TMEFF2: variants seen among roughly 807,000 people sequenced by gnomAD.
TMEFF2 encodes the protein tomoregulin-2.
Under a neutral mutation model 53.8 loss-of-function variants are expected in TMEFF2, and 28 were observed. The ratio of observed to expected loss-of-function variants is 0.52; its 90% CI spans 0.39 to 0.71. TMEFF2 has a LOEUF of 0.71. Among genes scored for constraint, TMEFF2 ranks in the 30% least tolerant of loss-of-function variants. The probability of loss-of-function intolerance (pLI) is 0.00; values close to 1 mark genes in which losing one functional copy is unlikely to be tolerated. For missense variants in TMEFF2, 353 were observed against 455.2 expected (o/e 0.78, Z 2.04); for synonymous variants, 162 against 166.3 (o/e 0.97, Z 0.20).
At chr2:192,061,401 AT>A (rs1233190220) in intron 4 of TMEFF2, among the ~76,000 whole-genome samples, 6 of 152,344 alleles carry the variant, frequency 3.9e-5, no homozygotes, top group East Asian at 1.9e-4. Flanking sequence ...TAATAAAAAA[AT>A]AAAAATAGAG....
chr2:191,950,228 C>A lies in TMEFF2; in HGVS notation c.*83G>T. On this transcript the variant is annotated 3_prime_UTR_variant, in exon 10 of 10. Coordinates refer to ENST00000272771, the MANE Select transcript of TMEFF2 (RefSeq NM_016192.4). Reference sequence around the variant, plus strand: ...CAAATGCAAGGCAACATGTGTAGATCTCTTGTCTTATTCTTTTGTCTATAA... The same window carrying A: ...CAAATGCAAGGCAACATGTGTAGATATCTTGTCTTATTCTTTTGTCTATAA... 1 of 1,583,806 alleles carries A rather than the reference C, an allele frequency of 6.3e-7. No individual in the cohort carries two copies. The highest frequency in any genetic ancestry group is 1.2e-5 in the South Asian group (1 of 85,154).
At chr2:191,978,549 C>G (rs1381087841) in intron 7 of TMEFF2, among the ~76,000 whole-genome samples, 2 of 151,736 alleles carry the variant, frequency 1.3e-5, no homozygotes, top group Non-Finnish European at 2.9e-5. Context: ...TTTTCTTCCC[C>G]ATTGATACCT....
chr2:191,956,133 A>G (rs1049580542), intron 8 of TMEFF2, 122 bp downstream of exon 8: 3 of 1,054,556 alleles, frequency 2.8e-6, no homozygotes, highest in Non-Finnish European at 4.0e-6. Context: ...AGGAGCAGAG[A>G]AAAGTTTTGT....
At chr2:192,092,287 G>A (rs915064986) in intron 4 of TMEFF2, among the ~76,000 whole-genome samples, 6 of 152,048 alleles carry the variant, frequency 3.9e-5, no homozygotes, top group African/African-American at 1.4e-4. Context: ...ATTTTCCTAT[G>A]TGAAGGGTTT....
At chr2:192,092,760 GA>G (rs1399243141) in intron 4 of TMEFF2, among the ~76,000 whole-genome samples, 1 of 152,098 alleles carries the variant, frequency 6.6e-6, no homozygotes, top group Non-Finnish European at 1.5e-5. Flanking sequence ...GTGATGTGAA[GA>G]AAGGAGCAGA....
chr2:191,999,211 A>T lies in TMEFF2; in HGVS notation c.537-3T>A. ...AACAGTCAATATTACACACACACCT[A>T]AAAAAAGAGAGAAATAAAAACATGT... On this transcript the variant is annotated splice_polypyrimidine_tract_variant and splice_region_variant and intron_variant, in intron 5 of 9. Transcript: ENST00000272771. 6.4e-7 allele frequency: 1 copy of T among 1,570,962 alleles called. No individual in the cohort carries two copies. Among genetic ancestry groups the T allele is most frequent in the South Asian group, 1.2e-5 (1 of 84,724 alleles).
intron 9 of TMEFF2, among the ~76,000 whole-genome samples, chr2:191,952,334 GT>G (rs1002190322): frequency 6.6e-6 from 1 of 152,136 alleles, no homozygotes; most frequent in African/African-American, 2.4e-5. Flanking sequence ...AGTATTTACA[GT>G]TTTGCATTTG....
intron 7 of TMEFF2, among the ~76,000 whole-genome samples, chr2:191,973,629 C>A (rs1037632613): frequency 6.6e-6 from 1 of 152,024 alleles, no homozygotes; most frequent in African/African-American, 2.4e-5. Context: ...TCCTAAAAAT[C>A]TACTTTAAAA....
chr2:192,132,191 C>G (rs1474756841), intron 4 of TMEFF2, among the ~76,000 whole-genome samples: 1 of 152,172 alleles, frequency 6.6e-6, no homozygotes, highest in Non-Finnish European at 1.5e-5. Flanking sequence ...CTCCTCACAC[C>G]TGGTCTGGCT....
intron 4 of TMEFF2, among the ~76,000 whole-genome samples, chr2:192,132,211 G>A (rs35632819): frequency 0.32 from 47,889 of 151,780 alleles, 9,735 homozygotes; most frequent in Non-Finnish European, 0.47. Flanking sequence ...TTACAGTTTC[G>A]TTCTGTGACT....
intron 4 of TMEFF2, among the ~76,000 whole-genome samples, chr2:192,115,990 A>G (rs1050080070): frequency 1.5e-4 from 23 of 151,974 alleles, no homozygotes; most frequent in African/African-American, 5.1e-4. Context: ...CTGGGTATAT[A>G]CCAGAGGAAA....
chr2:192,053,273 G>A (rs1012728322), intron 5 of TMEFF2, among the ~76,000 whole-genome samples: 1 of 151,886 alleles, frequency 6.6e-6, no homozygotes, highest in African/African-American at 2.4e-5. Flanking sequence ...CATCTCCAGT[G>A]TGACTTTCTT....
At chr2:192,122,404 T>C (rs1689577574) in intron 4 of TMEFF2, among the ~76,000 whole-genome samples, 1 of 152,216 alleles carries the variant, frequency 6.6e-6, no homozygotes, top group Non-Finnish European at 1.5e-5. Context: ...TCTGCCAATG[T>C]AGAAGCTTTA....
intron 4 of TMEFF2, among the ~76,000 whole-genome samples, chr2:192,076,122 A>G (rs566220165): frequency 1.2e-3 from 190 of 152,292 alleles, no homozygotes; most frequent in Non-Finnish European, 2.0e-3. Flanking sequence ...TTTATTACAT[A>G]AGAAAAAGAA....
At chr2:192,075,296 T>TATATATAAATATATATATATAA (rs1357041628) in intron 4 of TMEFF2, among the ~76,000 whole-genome samples, 1 of 32,966 alleles carries the variant, frequency 3.0e-5, no homozygotes, top group East Asian at 4.8e-4. Flanking sequence ...TATATATATA[T>TATATATAAATATATATATATAA]ATATATATAT....
At chr2:192,134,988 C>T (rs1181236620) in intron 4 of TMEFF2, among the ~76,000 whole-genome samples, 4 of 152,192 alleles carry the variant, frequency 2.6e-5, no homozygotes, top group Admixed American at 2.0e-4. Context: ...TCTCAGAAGT[C>T]AGACCTGTCC....
chr2:192,132,380 G>A (rs1689862529), intron 4 of TMEFF2, among the ~76,000 whole-genome samples: 1 of 151,996 alleles, frequency 6.6e-6, no homozygotes, highest in Admixed American at 6.6e-5. Flanking sequence ...GGCTCGTTCG[G>A]CAGCAACCCT....
At chr2:192,037,336 A>AGAAAGAAAGAAAGAAAG (rs1553515677) in intron 5 of TMEFF2, among the ~76,000 whole-genome samples, 1 of 150,588 alleles carries the variant, frequency 6.6e-6, no homozygotes. Context: ...AAAGAAAGAA[A>AGAAAGAAAGAAAGAAAG]AACAGAAAAC....
At chr2:191,955,450 G>A (rs1011210670) in intron 8 of TMEFF2, among the ~76,000 whole-genome samples, 1 of 148,880 alleles carries the variant, frequency 6.7e-6, no homozygotes, top group African/African-American at 2.5e-5. Flanking sequence ...CTGGGCTCAA[G>A]GGATCATCCC....
Sources: allele counts gnomAD v4.1 joint callset (sites outside exome capture counted in the v4.1 genomes callset), GRCh38; gene constraint gnomAD v4.1.1; transcripts MANE v1.5; gene names NCBI Gene and HGNC (gene_info 2026-07-23, HGNC 2026-07-21).